Variants in PKN2 observed in about 807,000 individuals in gnomAD.
The protein encoded by PKN2 is serine/threonine-protein kinase N2.
A neutral mutation model predicts 119.1 loss-of-function variants in PKN2; 38 were observed. That is an observed-to-expected ratio of 0.32 (90% CI 0.25 to 0.42). The LOEUF is 0.42. Ranked by LOEUF, PKN2 falls within the 10% of genes least tolerant of loss-of-function variation. The pLI is 1.00. For missense variants in PKN2, 850 were observed against 1,165.1 expected (o/e 0.73, Z 3.94); for synonymous variants, 390 against 384.9 (o/e 1.01, Z -0.15).
intron 8 of PKN2, among the ~76,000 whole-genome samples, chr1:88,803,681 C>T (rs1179149118): frequency 2.0e-5 from 3 of 152,152 alleles, no homozygotes; most frequent in South Asian, 2.1e-4. Context: ...TTCTCTCATA[C>T]GGCTTTGGTA....
intron 6 of PKN2, 136 bp downstream of exon 6, chr1:88,772,015 T>A: frequency 1.6e-6 from 1 of 622,014 alleles, no homozygotes; most frequent in Non-Finnish European, 2.8e-6. Flanking sequence ...TTTGTTGTAT[T>A]AACCATTTTA....
At chr1:88,701,001 A>G (rs1391273456) in intron 1 of PKN2, among the ~76,000 whole-genome samples, 1 of 152,210 alleles carries the variant, frequency 6.6e-6, no homozygotes, top group Non-Finnish European at 1.5e-5. Context: ...AAGTCATATA[A>G]TAATTGAATT....
intron 2 of PKN2, among the ~76,000 whole-genome samples, chr1:88,747,616 T>A (rs994104934): frequency 3.3e-5 from 5 of 152,138 alleles, no homozygotes; most frequent in African/African-American, 7.2e-5. Flanking sequence ...GAACATTTTT[T>A]AATATTTTAT....
chr1:88,732,196 T>C (rs1039293183), intron 1 of PKN2, among the ~76,000 whole-genome samples: 1 of 152,146 alleles, frequency 6.6e-6, no homozygotes, highest in Non-Finnish European at 1.5e-5. Context: ...TGAAATAAAG[T>C]TAATATTACT....
At chr1:88,777,865 G>A (rs1670167951) in intron 6 of PKN2, among the ~76,000 whole-genome samples, 1 of 152,156 alleles carries the variant, frequency 6.6e-6, no homozygotes, top group Non-Finnish European at 1.5e-5. Flanking sequence ...GACTCTTTCA[G>A]TAGATAAGAA....
rs990715031 is a variant in PKN2 at position 88,718,576 on chromosome 1, A to G, written c.49-22412A>G. 2.0e-5 allele frequency among the ~76,000 whole-genome samples: 3 copies of G among 152,352 alleles called. No individual in the cohort carries two copies. The East Asian group carries it at 5.8e-4, about 29-fold the overall frequency. On this transcript the variant is annotated intron_variant, in intron 1 of 21. Coordinates refer to ENST00000370521, the MANE Select transcript of PKN2 (RefSeq NM_006256.4). ...ATTTAAATATATCCTAATATTTCTC[A>G]TATATTGAAATATACCAAGTAACAT... is the stretch of plus-strand genomic sequence containing the variant.
rs886126401 is a variant in PKN2 at position 88,834,576 on chromosome 1, G to C, written c.*1128G>C. The C allele has an allele frequency of 6.6e-6, 1 of 152,426 alleles. No individual in the cohort carries two copies. The highest frequency in any genetic ancestry group is 2.4e-5 in the African/African-American group (1 of 41,416). 9.4% of individuals were successfully genotyped at this position (152,426 alleles called of 1,614,324 possible). A position where few individuals can be genotyped will look rare whatever the true frequency, so the allele number is the denominator to read the frequency against. ...ACTGGATCCAGATTTTATATTGGCA[G>C]TTATTGAGGGCAAAAGCAATATATT... is the stretch of plus-strand genomic sequence containing the variant. On this transcript the variant is annotated 3_prime_UTR_variant, in exon 22 of 22. Transcript: ENST00000370521.
At chr1:88,688,893 A>G (rs551748938) in intron 1 of PKN2, among the ~76,000 whole-genome samples, 53 of 152,350 alleles carry the variant, frequency 3.5e-4, no homozygotes, top group African/African-American at 1.2e-3. Flanking sequence ...TCTTTGACAT[A>G]TGAAATTACG....
chr1:88,761,612 TAAAAAAAAAAAA>T (rs368283566), intron 3 of PKN2, among the ~76,000 whole-genome samples: 1 of 102,020 alleles, frequency 9.8e-6, no homozygotes, highest in African/African-American at 3.6e-5. Context: ...CCTGTCTCTT[TAAAAAAAAAAAA>T]AAAAAAAAAA....
rs1160369095 is a variant in PKN2, at chr1:88,770,398, A to G, written c.551A>G (p.Lys184Arg). 2 of 1,613,744 alleles carry G rather than the reference A, an allele frequency of 1.2e-6. No homozygotes were observed. Among genetic ancestry groups the G allele is most frequent in the Non-Finnish European group, 1.7e-6 (2 of 1,179,650 alleles). ...GCTCAGCAACTGCTCCAGGACAGCA[A>G]GACAAAAATAGAAGTCATACGAATG... is the stretch of plus-strand genomic sequence containing the variant. ...GTAQQLLQDS[K>R]TKIEVIRMQI... The change falls in exon 4 of 22, where the codon AAG becomes AGG. Residue 184 changes from lysine (K) to arginine (R), a missense_variant. Lys to Arg is a conservative substitution (Grantham distance 26). Coordinates refer to ENST00000370521, the MANE Select transcript of PKN2 (RefSeq NM_006256.4).
intron 1 of PKN2, among the ~76,000 whole-genome samples, chr1:88,731,706 CTG>C (rs1307345075): frequency 6.6e-6 from 1 of 152,158 alleles, no homozygotes; most frequent in Non-Finnish European, 1.5e-5. Flanking sequence ...TCAGGTCAGA[CTG>C]TTTTATATTT....
intron 1 of PKN2, among the ~76,000 whole-genome samples, chr1:88,720,784 C>G (rs764622605): frequency 6.6e-6 from 1 of 152,164 alleles, no homozygotes; most frequent in Non-Finnish European, 1.5e-5. Context: ...CCCACTCCCA[C>G]CTTTCCCTCT....
Position 88,784,636 on chromosome 1 carries a change from C to T in PKN2, c.986-3C>T. 3 of 1,553,546 alleles carry T rather than the reference C, an allele frequency of 1.9e-6. No homozygotes were observed. The highest frequency in any genetic ancestry group is 2.6e-6 in the Non-Finnish European group (3 of 1,147,166). ...CTTATCTGATATTTATGTTTGCCAA[C>T]AGGTACTTTGGAAGTTCGTCTTATG... On this transcript the variant is annotated splice_polypyrimidine_tract_variant and splice_region_variant and intron_variant, in intron 6 of 21. Coordinates refer to ENST00000370521, the MANE Select transcript of PKN2 (RefSeq NM_006256.4).
At chr1:88,829,174 C>G (rs1295719654) in intron 19 of PKN2, 1 of 739,690 alleles carries the variant, frequency 1.4e-6, no homozygotes, top group Non-Finnish European at 2.6e-6. Flanking sequence ...TTGATATCAT[C>G]CGATGGCCAT....
intron 3 of PKN2, among the ~76,000 whole-genome samples, chr1:88,761,565 C>T (rs1472489477): frequency 1.4e-5 from 2 of 144,416 alleles, no homozygotes; most frequent in African/African-American, 5.2e-5. Flanking sequence ...TCCTTGAGGC[C>T]AGGAGTTCGA....
rs1669835881 is a variant in PKN2 at position 88,770,348 on chromosome 1, A to G, written c.505-4A>G. Reference sequence around the variant, plus strand: ...TTAATTTTTCAAACTTATTTTTTTAATAGGATCGGAAACTCCATGGTACAG... The same window carrying G: ...TTAATTTTTCAAACTTATTTTTTTAGTAGGATCGGAAACTCCATGGTACAG... On this transcript the variant is annotated splice_region_variant and splice_polypyrimidine_tract_variant and intron_variant, in intron 3 of 21. Coordinates refer to ENST00000370521, the MANE Select transcript of PKN2 (RefSeq NM_006256.4). 1.3e-6 allele frequency: 2 copies of G among 1,564,670 alleles called. No homozygotes were observed. Among genetic ancestry groups the G allele is most frequent in the Non-Finnish European group, 1.7e-6 (2 of 1,144,396 alleles).
At chr1:88,772,238 A>C (rs1291758954) in intron 6 of PKN2, among the ~76,000 whole-genome samples, 1 of 152,208 alleles carries the variant, frequency 6.6e-6, no homozygotes, top group African/African-American at 2.4e-5. Flanking sequence ...TAGAAATTAT[A>C]TAATTTGTGA....
At chr1:88,775,457 C>A (rs1670054098) in intron 6 of PKN2, among the ~76,000 whole-genome samples, 1 of 152,102 alleles carries the variant, frequency 6.6e-6, no homozygotes, top group Non-Finnish European at 1.5e-5. Flanking sequence ...TGGTTTTGTG[C>A]TGAATAATAC....
intron 1 of PKN2, among the ~76,000 whole-genome samples, chr1:88,735,154 A>AT (rs984723527): frequency 6.6e-6 from 1 of 151,886 alleles, no homozygotes; most frequent in Admixed American, 6.6e-5. Flanking sequence ...TGTTTTTAGC[A>AT]TTTTTTGTTT....
Sources: gnomAD v4.1 joint callset for allele counts (sites outside exome capture counted in the v4.1 genomes callset) on GRCh38, gnomAD v4.1.1 for gene constraint, MANE v1.5 for transcripts, NCBI Gene and HGNC (gene_info 2026-07-23, HGNC 2026-07-21) for gene names.